VPS51: variants seen among roughly 807,000 people sequenced by gnomAD.
The protein encoded by VPS51 is vacuolar protein sorting-associated protein 51 homolog.
A neutral mutation model predicts 65.1 loss-of-function variants in VPS51; 55 were observed. The observed-to-expected ratio is 0.84, with a 90% CI of 0.68 to 1.06. The LOEUF (loss-of-function observed/expected upper bound fraction) is 1.06. Among genes scored for constraint, VPS51 ranks in the 50% least tolerant of loss-of-function variants. The pLI is 0.00. For synonymous variants in VPS51, 473 were observed against 489.5 expected, an observed-to-expected ratio of 0.97 and a Z score of 0.44; for missense variants, 943 against 1,101.6, an observed-to-expected ratio of 0.86 and a Z score of 2.04.
At chr11:65,102,017 CTTTT>C (rs990847395) in intron 2 of VPS51, among the ~76,000 whole-genome samples, 3 of 121,912 alleles carry the variant, frequency 2.5e-5, no homozygotes, top group Admixed American at 1.7e-4. Flanking sequence ...TCTTAACAAG[CTTTT>C]TTTTTTTTTT....
intron 2 of VPS51, among the ~76,000 whole-genome samples, chr11:65,106,480 G>A (rs981880764): frequency 3.3e-5 from 5 of 152,168 alleles, no homozygotes; most frequent in African/African-American, 9.7e-5. Context: ...CGTCGGGTGC[G>A]GTGGCTCATG....
Position 65,107,243 on chromosome 11 carries a change from T to A in VPS51, c.359-338T>A, listed in dbSNP as rs1412713317. The stretch of plus-strand genomic sequence containing the variant: ...AGCCAGCGGTCCCTGCCTTGGCTGC[T>A]TGTGGTCTGATGGAGCAGTTGAGGC... On this transcript the variant is annotated intron_variant, in intron 2 of 9. Transcript: ENST00000279281. This position sits in a 1 kb window ranked among gnomAD's most constrained non-coding sequence, Gnocchi z 4.0. 1.9e-6 allele frequency: 1 copy of A among 514,628 alleles called. No individual in the cohort carries two copies. Among genetic ancestry groups the A allele is most frequent in the East Asian group, 5.2e-5 (1 of 19,220 alleles). The allele number at this position is 514,628 out of a possible 1,614,324, so 31.9% of individuals were successfully genotyped here. A position where few individuals can be genotyped will look rare whatever the true frequency, so the allele number is the denominator to read the frequency against.
chr11:65,108,639 G>A lies in VPS51; in HGVS notation c.1168G>A (p.Gly390Arg), dbSNP rs751614763. The change falls in exon 5 of 10, where the codon GGG (glycine) becomes AGG (arginine). Residue 390 changes from glycine to arginine, a missense_variant. Physicochemically the swap from Gly to Arg is moderately radical, Grantham distance 125 (BLOSUM62 -2). Transcript: ENST00000279281. ...RAPGALLAAA[G>R]LADAATEIVE... ...TCCCGGGGCCCTGCTGGCCGCTGCC[G>A]GGCTCGCAGACGCTGCCACGGAGAT... 99 of 1,536,542 alleles carry A rather than the reference G, an allele frequency of 6.4e-5. No homozygotes were observed. In the Admixed American group the frequency reaches 1.1e-3, roughly 17 times the overall value.
intron 7 of VPS51, 128 bp downstream of exon 7, chr11:65,110,051 C>T: frequency 1.9e-6 from 2 of 1,043,954 alleles, no homozygotes; most frequent in South Asian, 1.6e-5. Context: ...ATCTGGGCTT[C>T]TCACGGGGCC....
Position 65,107,528 on chromosome 11 carries a change from C to T in VPS51, c.359-53C>T. The T allele has an allele frequency of 6.5e-7, 1 of 1,537,744 alleles. No homozygotes were observed. Among genetic ancestry groups the T allele is most frequent in the Non-Finnish European group, 8.8e-7 (1 of 1,136,854 alleles). ...GGTGGGTGAGAAGGAGCTGAGGTTG[C>T]GCCCGCCCTGCAGTCACCTGCTCTC... On this transcript the variant is annotated intron_variant, in intron 2 of 9. Transcript: ENST00000279281. The surrounding 1 kb of genome is among the most constrained non-coding windows in gnomAD (Gnocchi z 4.0).
chr11:65,109,908 C>A lies in VPS51; in HGVS notation c.1863C>A (p.Thr621=). 1 of 1,602,460 alleles carries A rather than the reference C, an allele frequency of 6.2e-7. No individual in the cohort carries two copies. The highest frequency in any genetic ancestry group is 8.5e-7 in the Non-Finnish European group (1 of 1,176,864). Reference sequence around the variant, plus strand: ...TGAAGCGGGTGGTGGAGGATACCACCGCCATCGACGTGCAGGTGCTGCCCA... The same window carrying A: ...TGAAGCGGGTGGTGGAGGATACCACAGCCATCGACGTGCAGGTGCTGCCCA... ...AVMKRVVEDT[T]AIDVQVGLLY... Residue 621 remains threonine (T), a synonymous_variant, in exon 7 of 10, where the codon ACC becomes ACA. Transcript: ENST00000279281.
At chr11:65,100,676 G>A (rs553867553) in intron 2 of VPS51, among the ~76,000 whole-genome samples, 2 of 152,004 alleles carry the variant, frequency 1.3e-5, no homozygotes, top group African/African-American at 2.4e-5. Context: ...GATTATAGGT[G>A]TGCACCATCA....
intron 2 of VPS51, among the ~76,000 whole-genome samples, chr11:65,100,164 T>G (rs1947798522): frequency 6.6e-6 from 1 of 152,160 alleles, no homozygotes. Context: ...AGAAAATATT[T>G]GCAAGTTAGT....
intron 9 of VPS51, 53 bp from the exon 10 acceptor site, chr11:65,111,274 C>G: frequency 1.3e-6 from 2 of 1,597,554 alleles, no homozygotes; most frequent in Non-Finnish European, 1.7e-6. Context: ...ACTTGGGTGT[C>G]CCCCACACAC....
rs1947855019 is a variant in VPS51 at position 65,107,978 on chromosome 11, G to A, written c.681G>A (p.Gln227=). The A allele has an allele frequency of 1.3e-6, 2 of 1,562,294 alleles. No individual in the cohort carries two copies. The highest frequency in any genetic ancestry group is 1.7e-6 in the Non-Finnish European group (2 of 1,155,692). ...TCCGCGCCATCCAGGACGACTGCCA[G>A]GTCATCACGGCCCGCCTGGCCCAGC... The part of the protein sequence containing the change: ...PSFRAIQDDC[Q]VITARLAQQL... Residue 227 remains glutamine (Q), a synonymous_variant, in exon 4 of 10, where the codon CAG becomes CAA. Coordinates refer to ENST00000279281, the MANE Select transcript of VPS51 (RefSeq NM_013265.4). The surrounding 1 kb of genome is among the most constrained non-coding windows in gnomAD (Gnocchi z 4.0).
chr11:65,096,597 C>A, intron 1 of VPS51, 119 bp downstream of exon 1: 1 of 916,164 alleles, frequency 1.1e-6, no homozygotes, highest in Non-Finnish European at 1.6e-6. Context: ...AGCAGGTGTT[C>A]ATAAGAGGAC....
rs1947861873 is a variant in VPS51, at chr11:65,108,535, G to A, written c.1064G>A (p.Arg355Gln). 2 of 1,582,264 alleles carry A rather than the reference G, an allele frequency of 1.3e-6. No individual in the cohort carries two copies. The highest frequency in any genetic ancestry group is 1.7e-6 in the Non-Finnish European group (2 of 1,171,038). Residue 355 changes from arginine (R) to glutamine (Q), a missense_variant, in exon 5 of 10, where the codon CGG (arginine) becomes CAG (glutamine). Transcript: ENST00000279281. ...CGCTATTTTGCGCTGGTGGAGCGGC[G>A]GCTGGCGCAGGAGCAGGGTGGTGGT... ...GSRYFALVER[R>Q]LAQEQGGGDN...
intron 2 of VPS51, among the ~76,000 whole-genome samples, chr11:65,097,812 G>A (rs1947781100): frequency 6.6e-6 from 1 of 151,486 alleles, no homozygotes; most frequent in Non-Finnish European, 1.5e-5. Context: ...AGCTGTGCTT[G>A]TACCACTTCA....
rs1280235493 is a variant in VPS51, at chr11:65,107,658, A to G, written c.436A>G (p.Ile146Val). The G allele has an allele frequency of 1.9e-6, 3 of 1,609,878 alleles. No individual in the cohort carries two copies. Among genetic ancestry groups the G allele is most frequent in the African/African-American group, 1.3e-5 (1 of 74,872 alleles). The part of the protein sequence containing the change: ...MDRLATNMAV[I>V]TDFSARISAT... ...CCGGCTGGCCACCAACATGGCAGTG[A>G]TCACCGACTTCAGCGCTCGCATCAG... Residue 146 changes from isoleucine (I) to valine (V), a missense_variant, in exon 3 of 10, where the codon ATC (isoleucine) becomes GTC (valine). Ile to Val is a conservative substitution (Grantham distance 29). Transcript: ENST00000279281. This position sits in a 1 kb window ranked among gnomAD's most constrained non-coding sequence, Gnocchi z 4.0.
At position 65,096,481 on chromosome 11, in the gene VPS51, G is replaced by T; in HGVS notation, c.228+3G>T. The T allele has an allele frequency of 7.4e-7, 1 of 1,344,798 alleles. No individual in the cohort carries two copies. The highest frequency in any genetic ancestry group is 1.3e-5 in the South Asian group (1 of 76,756). The allele number at this position is 1,344,798 out of a possible 1,614,324, so 83.3% of individuals were successfully genotyped here. A position where few individuals can be genotyped will look rare whatever the true frequency, so the allele number is the denominator to read the frequency against. ...ACCCGGAAGTTTACCTAGACAAGGT[G>T]TGTGCGCACGGGGAGTGGGGGGGTG... On this transcript the variant is annotated splice_donor_region_variant and intron_variant, in intron 1 of 9. Transcript: ENST00000279281.
chr11:65,107,998 C>G lies in VPS51; in HGVS notation c.701C>G (p.Ala234Gly). The change falls in exon 4 of 10, where the codon GCC (alanine) becomes GGC (glycine). Residue 234 changes from alanine to glycine, a missense_variant. Coordinates refer to ENST00000279281, the MANE Select transcript of VPS51 (RefSeq NM_013265.4). This position sits in a 1 kb window ranked among gnomAD's most constrained non-coding sequence, Gnocchi z 4.0. ...DDCQVITARL[A>G]QQLRQRFREG... is the part of the protein sequence containing the mutation. ...TGCCAGGTCATCACGGCCCGCCTGG[C>G]CCAGCAGCTGCGGCAGCGCTTTAGG... is the stretch of plus-strand genomic sequence containing the variant. The G allele has an allele frequency of 6.5e-7, 1 of 1,544,548 alleles. No homozygotes were observed. The highest frequency in any genetic ancestry group is 1.2e-5 in the South Asian group (1 of 84,472).
rs1270256394 is a variant in VPS51 at position 65,109,837 on chromosome 11, C to T, written c.1792C>T (p.Arg598Cys). Residue 598 changes from arginine (R) to cysteine (C), a missense_variant, in exon 7 of 10, where the codon CGC becomes TGC. By Grantham distance (180) the Arg-to-Cys change is radical. This residue lies in a region of VPS51 where 855 missense variants were observed against 953.7 expected (regional missense o/e 0.90). Coordinates refer to ENST00000279281, the MANE Select transcript of VPS51 (RefSeq NM_013265.4). ...GATGCTGCGCAAGAGCGTGGAGACTCGCGACTGGCTCAGCACTCTGGAGCC... is the reference window on the plus strand; with the variant it reads ...GATGCTGCGCAAGAGCGTGGAGACTTGCGACTGGCTCAGCACTCTGGAGCC... Reference protein sequence around the residue: ...SQMLRKSVETRDWLSTLEPRN... With the variant: ...SQMLRKSVETCDWLSTLEPRN... 2 of 1,611,726 alleles carry T rather than the reference C, an allele frequency of 1.2e-6. No homozygotes were observed. The highest frequency in any genetic ancestry group is 3.3e-5 in the Admixed American group (2 of 59,786).
rs1318748222 is a variant in VPS51, at chr11:65,097,038, A to G, written c.269A>G (p.Glu90Gly). Residue 90 changes from glutamate (E) to glycine (G), a missense_variant, in exon 2 of 10, where the codon GAG (glutamate) becomes GGG (glycine). Physicochemically the swap from Glu to Gly is moderately conservative, Grantham distance 98. Around this residue, in one of 2 missense-constraint regions of VPS51, gnomAD observed 855 missense variants for 953.7 expected, o/e 0.90. Transcript: ENST00000279281. ...CCTCTGGCCCAGTTGATGGACAGTG[A>G]GACGGACATGGTGCGGCAGATCCGG... ...ECPLAQLMDS[E>G]TDMVRQIRAL... The G allele has an allele frequency of 1.2e-6, 2 of 1,613,866 alleles. No individual in the cohort carries two copies. Among genetic ancestry groups the G allele is most frequent in the Non-Finnish European group, 1.7e-6 (2 of 1,180,024 alleles).
rs955522793 is a variant in VPS51 at position 65,111,785 on chromosome 11, C to T, written c.*198C>T. 5.0e-5 allele frequency: 52 copies of T among 1,048,550 alleles called. No individual in the cohort carries two copies. Among genetic ancestry groups the T allele is most frequent in the Non-Finnish European group, 6.4e-5 (48 of 746,622 alleles). 65.0% of individuals were successfully genotyped at this position (1,048,550 alleles called of 1,614,324 possible). ...TTCTGAGGCGCCCGCGTCGGGTCCG[C>T]CCCCGAGCGCCGATTGGCTGGTGTG... On this transcript the variant is annotated 3_prime_UTR_variant, in exon 10 of 10. Transcript: ENST00000279281.
Sources: allele counts gnomAD v4.1 joint callset (sites outside exome capture counted in the v4.1 genomes callset), GRCh38; gene constraint gnomAD v4.1.1; regional missense constraint gnomAD v4.1.1; non-coding constraint Gnocchi (gnomAD v3.1); transcripts MANE v1.5; gene names NCBI Gene and HGNC (gene_info 2026-07-23, HGNC 2026-07-21).